The following DGUOK variants were observed in gnomAD, a reference collection of about 807,000 sequenced individuals.
The protein encoded by DGUOK is deoxyguanosine kinase, mitochondrial.
In DGUOK, 30 loss-of-function variants were observed where a neutral mutation model predicts 36.6. That is an observed-to-expected ratio of 0.82 (90% CI 0.61 to 1.11). DGUOK has a LOEUF of 1.11. DGUOK is among the 50% of genes most tolerant of loss of function. DGUOK has a pLI of 0.00. For missense variants in DGUOK, 361 were observed against 336.4 expected, an observed-to-expected ratio of 1.07 and a Z score of -0.57; for synonymous variants, 145 against 126.3, an observed-to-expected ratio of 1.15 and a Z score of -0.99.
rs765641382 is a variant in DGUOK at position 73,938,970 on chromosome 2, C to T, written c.203C>T (p.Ala68Val). 4 of 1,614,094 alleles carry T rather than the reference C, an allele frequency of 2.5e-6. No individual in the cohort carries two copies. Among genetic ancestry groups the T allele is most frequent in the South Asian group, 1.1e-5 (1 of 91,090 alleles). Residue 68 changes from alanine (A) to valine (V), a missense_variant, in exon 2 of 7, where the codon GCT (alanine) becomes GTT (valine). Coordinates refer to ENST00000264093, the MANE Select transcript of DGUOK (RefSeq NM_080916.3). ...LTKTYPEWHVATEPVATWQNI... is the reference protein window; with the variant it reads ...LTKTYPEWHVVTEPVATWQNI... Reference sequence around the variant, plus strand: ...AAAACTTACCCAGAATGGCACGTAGCTACAGAACCTGTAGCAACATGGCAG... The same window carrying T: ...AAAACTTACCCAGAATGGCACGTAGTTACAGAACCTGTAGCAACATGGCAG...
At chr2:73,929,253 T>G (rs1291743017) in intron 1 of DGUOK, among the ~76,000 whole-genome samples, 1 of 152,098 alleles carries the variant, frequency 6.6e-6, no homozygotes, top group Admixed American at 6.5e-5. Context: ...GATCCACAGG[T>G]GTTTGCCACT....
At chr2:73,929,663 G>C (rs956510098) in intron 1 of DGUOK, among the ~76,000 whole-genome samples, 1 of 152,116 alleles carries the variant, frequency 6.6e-6, no homozygotes, top group African/African-American at 2.4e-5. Context: ...AAAAGAGAAT[G>C]ATATCCTGGA....
chr2:73,947,097 G>A (rs1348680989), intron 3 of DGUOK, 191 bp downstream of exon 3: 5 of 651,090 alleles, frequency 7.7e-6, no homozygotes, highest in Non-Finnish European at 1.4e-5. Context: ...GTCAAGAAAG[G>A]AAATTGGGTT....
Position 73,946,222 on chromosome 2 carries a change from A to G in DGUOK, c.256-497A>G, listed in dbSNP as rs532012012. On this transcript the variant is annotated intron_variant, in intron 2 of 6. Transcript: ENST00000264093. ...CTCCTTATATGAAAGATAAAATTCTATTTGGTGGTTGATTGGTTGGATTTT... is the reference window on the plus strand; with the variant it reads ...CTCCTTATATGAAAGATAAAATTCTGTTTGGTGGTTGATTGGTTGGATTTT... Among the ~76,000 whole-genome samples the G allele has an allele frequency of 3.4e-4, 52 of 152,220 alleles. No individual in the cohort carries two copies. The South Asian group carries it at 8.3e-3, about 24-fold the overall frequency.
intron 3 of DGUOK, 101 bp from the exon 4 acceptor site, chr2:73,950,484 A>C (rs1313104952): frequency 7.7e-7 from 1 of 1,291,662 alleles, no homozygotes; most frequent in Non-Finnish European, 1.1e-6. Flanking sequence ...CAGACATGGA[A>C]CAAGTTGGTT....
intron 3 of DGUOK, 117 bp downstream of exon 3, chr2:73,947,023 C>A: frequency 1.1e-6 from 1 of 951,480 alleles, no homozygotes; most frequent in Non-Finnish European, 1.6e-6. Context: ...AAATTATCTT[C>A]TTTTTTAAAG....
intron 1 of DGUOK, among the ~76,000 whole-genome samples, chr2:73,935,305 T>C (rs191951620): frequency 1.3e-5 from 2 of 152,272 alleles, no homozygotes; most frequent in Non-Finnish European, 1.5e-5. Context: ...GATAGTGATA[T>C]CATAAGAGAT....
intron 4 of DGUOK, among the ~76,000 whole-genome samples, chr2:73,954,079 T>C (rs6725492): frequency 0.64 from 96,958 of 151,872 alleles, 31,528 homozygotes; most frequent in Non-Finnish European, 0.69. Context: ...CAGTGGCTCA[T>C]GCCTGCAATG....
intron 1 of DGUOK, among the ~76,000 whole-genome samples, chr2:73,935,477 G>C (rs1385613938): frequency 6.6e-6 from 1 of 150,948 alleles, no homozygotes; most frequent in African/African-American, 2.4e-5. Context: ...CAGCAAGAAG[G>C]GAAAAAAAAA....
At chr2:73,956,681 C>T (rs984476100) in intron 4 of DGUOK, among the ~76,000 whole-genome samples, 1 of 152,204 alleles carries the variant, frequency 6.6e-6, no homozygotes, top group Admixed American at 6.5e-5. Context: ...TGTCCATATG[C>T]TTCCCTGCCT....
At chr2:73,952,381 G>A (rs939046021) in intron 4 of DGUOK, among the ~76,000 whole-genome samples, 5 of 152,170 alleles carry the variant, frequency 3.3e-5, no homozygotes, top group Non-Finnish European at 7.4e-5. Flanking sequence ...CAGCGATTGT[G>A]GGGAGAGGAG....
At chr2:73,955,914 C>T (rs1243706653) in intron 4 of DGUOK, among the ~76,000 whole-genome samples, 1 of 152,140 alleles carries the variant, frequency 6.6e-6, no homozygotes, top group Non-Finnish European at 1.5e-5. Context: ...GTTAATCCAT[C>T]TGTTCTTCCA....
intron 1 of DGUOK, among the ~76,000 whole-genome samples, chr2:73,927,283 G>C (rs906776533): frequency 6.6e-6 from 1 of 152,238 alleles, no homozygotes; most frequent in Non-Finnish European, 1.5e-5. Flanking sequence ...GGGCATAAAA[G>C]CCACGCAGTT....
chr2:73,936,264 G>A (rs953102016), intron 1 of DGUOK, among the ~76,000 whole-genome samples: 8 of 152,210 alleles, frequency 5.3e-5, no homozygotes, highest in Non-Finnish European at 8.8e-5. Context: ...TGACCAGTGT[G>A]GTAGGAATTC....
chr2:73,956,429 G>C (rs1234311282), intron 4 of DGUOK, among the ~76,000 whole-genome samples: 1 of 152,160 alleles, frequency 6.6e-6, no homozygotes, highest in Non-Finnish European at 1.5e-5. Flanking sequence ...GCGGTAAAGA[G>C]CCTGTGAAGT....
At chr2:73,950,384 A>G (rs1054455598) in intron 3 of DGUOK, among the ~76,000 whole-genome samples, 2 of 152,196 alleles carry the variant, frequency 1.3e-5, no homozygotes, top group Admixed American at 6.5e-5. Flanking sequence ...CCTATTTCCC[A>G]TCTTAGTACT....
chr2:73,952,670 T>A (rs1239524425), intron 4 of DGUOK, among the ~76,000 whole-genome samples: 1 of 152,152 alleles, frequency 6.6e-6, no homozygotes, highest in African/African-American at 2.4e-5. Flanking sequence ...GAACAGCACA[T>A]TCAGCTCAGT....
intron 2 of DGUOK, among the ~76,000 whole-genome samples, chr2:73,943,866 C>T (rs1682090934): frequency 1.3e-5 from 2 of 152,068 alleles, no homozygotes; most frequent in Non-Finnish European, 2.9e-5. Flanking sequence ...AGACTGGTCT[C>T]GAATTCCTAA....
At chr2:73,958,592 A>G (rs902421744) in intron 6 of DGUOK, 118 bp from the exon 7 acceptor site, 20 of 860,084 alleles carry the variant, frequency 2.3e-5, no homozygotes, top group Middle Eastern at 2.1e-4. Context: ...CTCCATGCCT[A>G]TTATTTTCCT....
Sources: gnomAD v4.1 joint callset for allele counts (sites outside exome capture counted in the v4.1 genomes callset) on GRCh38, gnomAD v4.1.1 for gene constraint, MANE v1.5 for transcripts, NCBI Gene and HGNC (gene_info 2026-07-23, HGNC 2026-07-21) for gene names.